Variants in CERS6 observed in about 807,000 individuals in gnomAD.
The protein encoded by CERS6 is LAG1 homolog, ceramide synthase 6.
CERS6 carries 26 observed loss-of-function variants against 56.8 expected under a neutral mutation model. The observed-to-expected ratio is 0.46, with a 90% confidence interval of 0.34 to 0.63. The LOEUF (loss-of-function observed/expected upper bound fraction) is 0.63, where lower values mean the gene tolerates loss of function less well. Among genes scored for constraint, CERS6 ranks in the 30% least tolerant of loss-of-function variants. The pLI, the probability that CERS6 is intolerant of heterozygous loss-of-function variation, is 0.01. For synonymous variants in CERS6, 164 were observed against 173.3 expected (o/e 0.95, Z 0.42); for missense variants, 415 against 467.5 (o/e 0.89, Z 1.04).
rs576261956 is a variant in CERS6 at position 168,634,255 on chromosome 2, T to C, written c.465+3213T>C. On this transcript the variant is annotated intron_variant, in intron 4 of 9. Transcript: ENST00000305747. ...ATATAAGAGAGTCTGCTCATACTTATAATTAGCAGAGTCAAATACTTTTGT... is the reference window on the plus strand; with the variant it reads ...ATATAAGAGAGTCTGCTCATACTTACAATTAGCAGAGTCAAATACTTTTGT... Among the ~76,000 whole-genome samples the C allele has an allele frequency of 7.9e-5, 12 of 152,354 alleles. No individual in the cohort carries two copies. The East Asian group carries it at 9.6e-4, about 12-fold the overall frequency.
At chr2:168,480,856 C>A (rs2105332431) in intron 1 of CERS6, among the ~76,000 whole-genome samples, 1 of 152,244 alleles carries the variant, frequency 6.6e-6, no homozygotes, top group South Asian at 2.1e-4. Flanking sequence ...AATGTTGGAA[C>A]CCTCAGACAA....
rs1210129864 is a variant in CERS6 at position 168,722,988 on chromosome 2, A to G, written c.845+5010A>G. Among the ~76,000 whole-genome samples, 9 of 152,100 alleles carry G rather than the reference A, an allele frequency of 5.9e-5. No homozygotes were observed. The East Asian group carries it at 1.7e-3, about 29-fold the overall frequency. On this transcript the variant is annotated intron_variant, in intron 8 of 9. Coordinates refer to ENST00000305747, the MANE Select transcript of CERS6 (RefSeq NM_203463.3). ...GCTTACCCCAGAAAGTGCAATTTTT[A>G]TATCCACTCTGTGCTGCTGTTGGCC...
chr2:168,563,171 A>G (rs1368422212), intron 3 of CERS6, among the ~76,000 whole-genome samples: 5 of 152,198 alleles, frequency 3.3e-5, no homozygotes, highest in Admixed American at 2.0e-4. Flanking sequence ...GGATGGCAGC[A>G]TTTTTAACAA....
intron 1 of CERS6, among the ~76,000 whole-genome samples, chr2:168,537,327 T>C (rs1449756328): frequency 1.3e-5 from 2 of 152,232 alleles, no homozygotes; most frequent in African/African-American, 4.8e-5. Context: ...GTGGCCTTTC[T>C]TCTTTGTCTG....
intron 4 of CERS6, among the ~76,000 whole-genome samples, chr2:168,680,393 G>A (rs144584445): frequency 1.3e-5 from 2 of 152,222 alleles, no homozygotes; most frequent in Non-Finnish European, 1.5e-5. Context: ...GGGATGATAA[G>A]GAAAAATGAT....
chr2:168,567,057 A>G (rs903266950), intron 3 of CERS6, among the ~76,000 whole-genome samples: 1 of 152,222 alleles, frequency 6.6e-6, no homozygotes, highest in African/African-American at 2.4e-5. Context: ...ATGATCAGCA[A>G]TGTGTAAATG....
At chr2:168,702,439 A>G (rs1686829444) in intron 6 of CERS6, among the ~76,000 whole-genome samples, 1 of 152,362 alleles carries the variant, frequency 6.6e-6, no homozygotes, top group East Asian at 1.9e-4. Context: ...AGCAACTGAC[A>G]TTATTTGTGG....
chr2:168,684,453 A>C (rs1686294909), intron 4 of CERS6, among the ~76,000 whole-genome samples: 1 of 152,220 alleles, frequency 6.6e-6, no homozygotes, highest in East Asian at 1.9e-4. Context: ...AAAATATGAA[A>C]TATTTCTTTG....
chr2:168,774,033 A>T lies in CERS6; in HGVS notation c.*4371A>T, dbSNP rs1684933428. 1 of 152,192 alleles carries T rather than the reference A, an allele frequency of 6.6e-6. No individual in the cohort carries two copies. The highest frequency in any genetic ancestry group is 1.5e-5 in the Non-Finnish European group (1 of 68,048). The allele number at this position is 152,192 out of a possible 1,614,324, so 9.4% of individuals were successfully genotyped here. A position where few individuals can be genotyped will look rare whatever the true frequency, so the allele number is the denominator to read the frequency against. On this transcript the variant is annotated 3_prime_UTR_variant, in exon 10 of 10. Transcript: ENST00000305747. ...CGAATATTTTTAATAGGATCCGCAGACACCCAAAGGAGAAGCTTGGTCTTT... is the reference window on the plus strand; with the variant it reads ...CGAATATTTTTAATAGGATCCGCAGTCACCCAAAGGAGAAGCTTGGTCTTT...
intron 3 of CERS6, among the ~76,000 whole-genome samples, chr2:168,630,314 A>G (rs1684685626): frequency 7.2e-6 from 1 of 139,462 alleles, no homozygotes; most frequent in African/African-American, 2.8e-5. Flanking sequence ...ACACACACAC[A>G]CACACACACA....
At chr2:168,525,166 T>C (rs969293144) in intron 1 of CERS6, among the ~76,000 whole-genome samples, 21 of 152,214 alleles carry the variant, frequency 1.4e-4, no homozygotes, top group Admixed American at 2.6e-4. Context: ...AAGACCAGTC[T>C]GTTCAAGTCC....
At chr2:168,614,108 T>C (rs1684252125) in intron 3 of CERS6, among the ~76,000 whole-genome samples, 1 of 152,226 alleles carries the variant, frequency 6.6e-6, no homozygotes, top group Non-Finnish European at 1.5e-5. Context: ...GCCCCTTCAC[T>C]GAGTGAGGAA....
chr2:168,489,649 A>G (rs1307800385), intron 1 of CERS6, among the ~76,000 whole-genome samples: 1 of 151,750 alleles, frequency 6.6e-6, no homozygotes, highest in Non-Finnish European at 1.5e-5. Flanking sequence ...GGTTATATAT[A>G]TATTTTGACT....
rs1693803987 is a variant in CERS6 at position 168,462,909 on chromosome 2, T to C, written c.170+6291T>C. Among the ~76,000 whole-genome samples the C allele has an allele frequency of 2.0e-5, 3 of 152,206 alleles. No individual in the cohort carries two copies. In the South Asian group the frequency reaches 6.2e-4, roughly 32 times the overall value. ...GATGATTGGATGCATGGTCTGAAGC[T>C]ATGACTTGGTGCTTACCATTTATTT... is the stretch of plus-strand genomic sequence containing the variant. On this transcript the variant is annotated intron_variant, in intron 1 of 9. Transcript: ENST00000305747.
intron 3 of CERS6, among the ~76,000 whole-genome samples, chr2:168,616,745 A>G (rs143029145): frequency 0.012 from 1,817 of 152,302 alleles, 18 homozygotes; most frequent in Non-Finnish European, 0.019. Context: ...AACAGTTACT[A>G]CTAGACCTAA....
chr2:168,463,295 G>T (rs1264522437), intron 1 of CERS6, among the ~76,000 whole-genome samples: 3 of 152,142 alleles, frequency 2.0e-5, no homozygotes, highest in South Asian at 2.1e-4. Flanking sequence ...GCCATTTAAT[G>T]ATATAATCTG....
At chr2:168,525,764 C>G (rs1023622280) in intron 1 of CERS6, among the ~76,000 whole-genome samples, 12 of 152,154 alleles carry the variant, frequency 7.9e-5, no homozygotes, top group African/African-American at 2.9e-4. Flanking sequence ...AATTATCACA[C>G]CATCATTACT....
intron 2 of CERS6, among the ~76,000 whole-genome samples, chr2:168,559,733 T>TTAAATATA (rs61031993): frequency 4.5e-5 from 3 of 66,246 alleles, no homozygotes; most frequent in Admixed American, 3.6e-4. Context: ...TAGAAAGGTA[T>TTAAATATA]CATATATATA....
At position 168,771,191 on chromosome 2, in the gene CERS6, AAC is replaced by A. The variant is rs1381447291; in HGVS notation, c.*1532_*1533del. 1 of 151,516 alleles carries A rather than the reference AAC, an allele frequency of 6.6e-6. No homozygotes were observed. Among genetic ancestry groups the A allele is most frequent in the African/African-American group, 2.4e-5 (1 of 40,980 alleles). 9.4% of individuals were successfully genotyped at this position (151,516 alleles called of 1,614,324 possible). On this transcript the variant is annotated 3_prime_UTR_variant, in exon 10 of 10. Transcript: ENST00000305747. ...GCAGAAATGCTAACAAGCGTGCAGA[AAC>A]ACCAGAGAGTGCGTATCCTGCTCAG...
Sources: gnomAD v4.1 joint callset for allele counts (sites outside exome capture counted in the v4.1 genomes callset) on GRCh38, gnomAD v4.1.1 for gene constraint, MANE v1.5 for transcripts, NCBI Gene and HGNC (gene_info 2026-07-23, HGNC 2026-07-21) for gene names.